DHRSX: variants seen among roughly 807,000 people sequenced by gnomAD.
The protein encoded by DHRSX is dehydrogenase/reductase X-linked.
DHRSX carries 31 observed loss-of-function variants against 34.0 expected under a neutral mutation model. The ratio of observed to expected loss-of-function variants is 0.91; its 90% CI spans 0.69 to 1.23. The LOEUF (loss-of-function observed/expected upper bound fraction) is 1.23. DHRSX is among the 50% of genes most tolerant of loss of function. DHRSX has a pLI of 0.00. For missense variants in DHRSX, 414 were observed against 428.1 expected, an observed-to-expected ratio of 0.97 and a Z score of 0.29; for synonymous variants, 201 against 183.8, an observed-to-expected ratio of 1.09 and a Z score of -0.76.
intron 1 of DHRSX, among the ~76,000 whole-genome samples, chrX:2,448,949 G>A (rs1462669426): frequency 2.0e-5 from 3 of 152,194 alleles, no homozygotes; most frequent in Non-Finnish European, 2.9e-5. Context: ...AGCACTTTGG[G>A]AGGCTGAGGC....
At chrX:2,309,255 G>T (rs1439635010) in intron 3 of DHRSX, among the ~76,000 whole-genome samples, 4 of 152,044 alleles carry the variant, frequency 2.6e-5, no homozygotes. Flanking sequence ...ACAGATAAGT[G>T]CCCTGATACT....
chrX:2,241,243 G>GA (rs1255857954), intron 6 of DHRSX, among the ~76,000 whole-genome samples: 1 of 152,162 alleles, frequency 6.6e-6, no homozygotes, highest in Admixed American at 6.6e-5. Context: ...CAGTGCTTAA[G>GA]AAGTTAATGC....
chrX:2,272,294 C>A (rs1050782570), intron 4 of DHRSX, among the ~76,000 whole-genome samples: 4 of 152,054 alleles, frequency 2.6e-5, no homozygotes, highest in African/African-American at 7.2e-5. Flanking sequence ...CAGCTCAATC[C>A]GTGCCTGAAG....
At chrX:2,480,240 T>G (rs1250904191) in intron 1 of DHRSX, among the ~76,000 whole-genome samples, 1 of 150,948 alleles carries the variant, frequency 6.6e-6, no homozygotes, top group African/African-American at 2.4e-5. Context: ...GAAGATACAA[T>G]GTGAAGTGAA....
chrX:2,496,798 ATTG>A (rs1196353986), intron 1 of DHRSX, among the ~76,000 whole-genome samples: 1 of 150,628 alleles, frequency 6.6e-6, no homozygotes, highest in African/African-American at 2.4e-5. Context: ...AAAAATATCA[ATTG>A]TTTTTATTTA....
chrX:2,394,564 T>A (rs1200678887), intron 3 of DHRSX, among the ~76,000 whole-genome samples: 3 of 151,964 alleles, frequency 2.0e-5, no homozygotes, highest in African/African-American at 7.2e-5. Context: ...GAGCTACAGA[T>A]GAGGATAAGA....
chrX:2,485,639 G>A (rs1196867360), intron 1 of DHRSX, among the ~76,000 whole-genome samples: 2 of 92,158 alleles, frequency 2.2e-5, no homozygotes, highest in Non-Finnish European at 4.3e-5. Flanking sequence ...AGGGAGGAGA[G>A]GGAAGGAGGG....
At chrX:2,482,129 C>CTTTTT (rs1356975147) in intron 1 of DHRSX, among the ~76,000 whole-genome samples, 3 of 129,840 alleles carry the variant, frequency 2.3e-5, no homozygotes, top group Non-Finnish European at 3.2e-5. Flanking sequence ...CCACGTCTGG[C>CTTTTT]TTTTTTTTTT....
Position 2,241,331 on chromosome X carries a change from G to A in DHRSX, c.804+1692C>T, listed in dbSNP as rs181128693. 4.8e-4 allele frequency among the ~76,000 whole-genome samples: 73 copies of A among 152,232 alleles called. 1 individual carries two copies. The highest frequency in any genetic ancestry group is 1.2e-3 in the East Asian group (6 of 5,180). On this transcript the variant is annotated intron_variant, in intron 6 of 6. Coordinates refer to ENST00000334651, the MANE Select transcript of DHRSX (RefSeq NM_145177.3). The stretch of plus-strand genomic sequence containing the variant: ...CTTAAAAACCAACACCCCAAAGTAC[G>A]GTGCTTTGTCCTGCTGAACTGAAGA...
intron 1 of DHRSX, among the ~76,000 whole-genome samples, chrX:2,431,169 C>CA (rs1183489924): frequency 6.6e-6 from 1 of 151,820 alleles, no homozygotes; most frequent in Admixed American, 6.6e-5. Flanking sequence ...ACTAAAAATA[C>CA]AAAAAATTAG....
intron 1 of DHRSX, among the ~76,000 whole-genome samples, chrX:2,433,010 G>C (rs1457075885): frequency 6.6e-6 from 1 of 151,996 alleles, no homozygotes; most frequent in South Asian, 2.1e-4. Flanking sequence ...TGTAGTTCCA[G>C]CAAGCTGGGA....
intron 3 of DHRSX, among the ~76,000 whole-genome samples, chrX:2,325,354 A>G (rs2042369686): frequency 6.6e-6 from 1 of 152,064 alleles, no homozygotes; most frequent in African/African-American, 2.4e-5. Flanking sequence ...GGGACTAGAC[A>G]CGTTCAAGAT....
chrX:2,348,574 A>G (rs1230871608), intron 3 of DHRSX, among the ~76,000 whole-genome samples: 1 of 152,212 alleles, frequency 6.6e-6, no homozygotes, highest in Non-Finnish European at 1.5e-5. Flanking sequence ...GCAACCATAC[A>G]GGAAGAAGCA....
At position 2,454,471 on chromosome X, in the gene DHRSX, G is replaced by A. The variant is rs147218013; in HGVS notation, c.110-29167C>T. ...CAACCCGGGAGATGTTGGCTGCAGT[G>A]AGCCGAGATTGAGCTATTGCACTCC... On this transcript the variant is annotated intron_variant, in intron 1 of 6. Transcript: ENST00000334651. Among the ~76,000 whole-genome samples, 1,202 of 151,464 alleles carry A rather than the reference G, an allele frequency of 7.9e-3. 15 individuals carry two copies. Among genetic ancestry groups the A allele is most frequent in the African/African-American group, 0.027 (1,124 of 41,204 alleles).
At chrX:2,253,179 G>A (rs1420365802) in intron 5 of DHRSX, among the ~76,000 whole-genome samples, 3 of 151,878 alleles carry the variant, frequency 2.0e-5, no homozygotes, top group Non-Finnish European at 4.4e-5. Context: ...ATATGGCAGT[G>A]AGCCAAGATG....
intron 3 of DHRSX, among the ~76,000 whole-genome samples, chrX:2,302,775 C>T: frequency 6.6e-6 from 1 of 152,142 alleles, no homozygotes; most frequent in Admixed American, 6.5e-5. Flanking sequence ...AAAATAATGA[C>T]AGTCATTTAA....
At chrX:2,459,096 A>T (rs1932727434) in intron 1 of DHRSX, among the ~76,000 whole-genome samples, 1 of 152,088 alleles carries the variant, frequency 6.6e-6, no homozygotes, top group Admixed American at 6.6e-5. Context: ...TATGAACATG[A>T]CGCTGCACTC....
At chrX:2,255,503 A>C (rs2041264359) in intron 5 of DHRSX, among the ~76,000 whole-genome samples, 1 of 152,190 alleles carries the variant, frequency 6.6e-6, no homozygotes, top group South Asian at 2.1e-4. Flanking sequence ...AAGTTACATA[A>C]GTTGAGAAAC....
chrX:2,266,932 A>T lies in DHRSX; in HGVS notation c.404T>A (p.Val135Asp), dbSNP rs1464584266. ...VLINNAGVMM[V>D]PQRKTRDGFE... ...TCCATCTCTGGTTTTCCTCTGAGGG[A>T]CCATCATCACCCCAGCTGGACAAAA... Residue 135 changes from valine (V) to aspartate (D), a missense_variant, in exon 5 of 7, where the codon GTC (valine) becomes GAC (aspartate). Transcript: ENST00000334651. The T allele has an allele frequency of 5.6e-6, 9 of 1,613,822 alleles. No individual in the cohort carries two copies. The highest frequency in any genetic ancestry group is 7.6e-6 in the Non-Finnish European group (9 of 1,179,868).
Sources: allele counts gnomAD v4.1 joint callset (sites outside exome capture counted in the v4.1 genomes callset), GRCh38; gene constraint gnomAD v4.1.1; transcripts MANE v1.5; gene names NCBI Gene and HGNC (gene_info 2026-07-23, HGNC 2026-07-21).